The following SPEN variants were observed in gnomAD, a reference collection of about 807,000 sequenced individuals.
SPEN encodes msx2-interacting protein.
A neutral mutation model predicts 269.9 loss-of-function variants in SPEN; 18 were observed. The observed-to-expected ratio is 0.07, with a 90% CI of 0.05 to 0.10. The LOEUF is 0.10. Among genes scored for constraint, SPEN ranks in the 10% least tolerant of loss-of-function variants. The probability of loss-of-function intolerance (pLI) is 1.00; values close to 1 mark genes in which losing one functional copy is unlikely to be tolerated. For synonymous variants in SPEN, 1,726 were observed against 1,765.7 expected (o/e 0.98, Z 0.56); for missense variants, 3,822 against 4,631.2 (o/e 0.83, Z 5.07).
chr1:15,889,121 A>G (rs1570009661), intron 3 of SPEN, among the ~76,000 whole-genome samples: 1 of 149,230 alleles, frequency 6.7e-6, no homozygotes, highest in East Asian at 1.9e-4. Flanking sequence ...AGGAATTCTC[A>G]TTTTAAAATA....
intron 1 of SPEN, among the ~76,000 whole-genome samples, chr1:15,859,444 G>T (rs1286248613): frequency 7.0e-6 from 1 of 142,060 alleles, no homozygotes; most frequent in Non-Finnish European, 1.5e-5. Flanking sequence ...TGCAAGCTCC[G>T]CCTCCTGGGT....
At chr1:15,885,100 AAC>A in intron 3 of SPEN, among the ~76,000 whole-genome samples, 1 of 152,172 alleles carries the variant, frequency 6.6e-6, no homozygotes, top group Non-Finnish European at 1.5e-5. Flanking sequence ...TGATCATAGA[AAC>A]AAATTTGTCT....
chr1:15,897,366 T>A (rs2070852501), intron 3 of SPEN, among the ~76,000 whole-genome samples: 1 of 136,404 alleles, frequency 7.3e-6, no homozygotes, highest in African/African-American at 2.9e-5. Context: ...TTTTTCTTTC[T>A]TTTTTTTTTT....
chr1:15,921,018 A>T (rs1479383677), intron 9 of SPEN, 35 bp downstream of exon 9: 1 of 1,396,236 alleles, frequency 7.2e-7, no homozygotes, highest in Non-Finnish European at 1.0e-6. Context: ...AGCAAAACAA[A>T]GTCCTATTCA....
intron 3 of SPEN, among the ~76,000 whole-genome samples, chr1:15,904,994 T>C (rs1451400582): frequency 6.6e-6 from 1 of 151,278 alleles, no homozygotes; most frequent in Non-Finnish European, 1.5e-5. Flanking sequence ...GTTCAAGTGA[T>C]TCTCCTGCTT....
chr1:15,894,825 G>A (rs908201842), intron 3 of SPEN, among the ~76,000 whole-genome samples: 4 of 151,548 alleles, frequency 2.6e-5, no homozygotes, highest in Non-Finnish European at 5.9e-5. Flanking sequence ...GAGCCACCGC[G>A]CCCGGCCCAT....
At position 15,928,025 on chromosome 1, in the gene SPEN, A is replaced by G. The variant is rs538328100; in HGVS notation, c.1851-66A>G. ...TAGAAGCAGGAATTTCTGATTTCAT[A>G]TGTATGATTTTATGCATAAGTGATG... On this transcript the variant is annotated intron_variant, in intron 10 of 14. Transcript: ENST00000375759. This position sits in a 1 kb window ranked among gnomAD's most constrained non-coding sequence, Gnocchi z 5.7. The G allele has an allele frequency of 8.0e-6, 11 of 1,370,672 alleles. No individual in the cohort carries two copies. The highest frequency in any genetic ancestry group is 7.2e-5 in the South Asian group (5 of 69,668). The allele number at this position is 1,370,672 out of a possible 1,614,324, so 84.9% of individuals were successfully genotyped here.
chr1:15,867,287 A>G (rs1184354239), intron 1 of SPEN, among the ~76,000 whole-genome samples: 1 of 152,184 alleles, frequency 6.6e-6, no homozygotes, highest in Non-Finnish European at 1.5e-5. Flanking sequence ...AGGTTCATCC[A>G]TATTTTAGAA....
intron 3 of SPEN, among the ~76,000 whole-genome samples, chr1:15,882,352 C>T (rs142878080): frequency 3.3e-5 from 5 of 152,090 alleles, no homozygotes; most frequent in Non-Finnish European, 5.9e-5. Context: ...TTCCCGCCCC[C>T]CCAATCAAGT....
At chr1:15,868,903 TG>T (rs2070545093) in intron 1 of SPEN, among the ~76,000 whole-genome samples, 1 of 152,334 alleles carries the variant, frequency 6.6e-6, no homozygotes. Context: ...ATGTTCAAAT[TG>T]TAGGAGTCTT....
At position 15,848,995 on chromosome 1, in the gene SPEN, A is replaced by G. The variant is rs2070305875; in HGVS notation, c.83+845A>G. On this transcript the variant is annotated intron_variant, in intron 1 of 14. Coordinates refer to ENST00000375759, the MANE Select transcript of SPEN (RefSeq NM_015001.3). The surrounding 1 kb of genome is among the most constrained non-coding windows in gnomAD (Gnocchi z 5.1). ...CGATGAGAAGATGTAGCTTAAAAAA[A>G]AAACCTCCCCTGAATATTTTTGTGA... 6.6e-6 allele frequency among the ~76,000 whole-genome samples: 1 copy of G among 152,192 alleles called. No individual in the cohort carries two copies. The highest frequency in any genetic ancestry group is 1.5e-5 in the Non-Finnish European group (1 of 68,034).
rs148453781 is a variant in SPEN at position 15,936,389 on chromosome 1, C to T, written c.10026+123C>T. On this transcript the variant is annotated intron_variant, in intron 11 of 14. Transcript: ENST00000375759. Reference sequence around the variant, plus strand: ...GGTGTGGTGGCTTATGCCTGTAATCCCAGCACTGTGGGAGGCCCAGATGGG... The same window carrying T: ...GGTGTGGTGGCTTATGCCTGTAATCTCAGCACTGTGGGAGGCCCAGATGGG... 1,725 of 1,353,150 alleles carry T rather than the reference C, an allele frequency of 1.3e-3. 19 individuals carry two copies. The African/African-American group carries it at 0.02, about 16-fold the overall frequency. 83.8% of individuals were successfully genotyped at this position (1,353,150 alleles called of 1,614,324 possible).
intron 1 of SPEN, among the ~76,000 whole-genome samples, chr1:15,859,450 T>C (rs1165208208): frequency 2.0e-4 from 30 of 147,712 alleles, no homozygotes; most frequent in African/African-American, 6.5e-4. Flanking sequence ...CTCCGCCTCC[T>C]GGGTTCACAC....
chr1:15,902,982 A>T (rs1191041249), intron 3 of SPEN, among the ~76,000 whole-genome samples: 1 of 152,128 alleles, frequency 6.6e-6, no homozygotes, highest in East Asian at 1.9e-4. Flanking sequence ...ACCAGTATAG[A>T]TGCATATTTG....
rs774242536 is a variant in SPEN, at chr1:15,932,696, C to T, written c.6456C>T (p.Asp2152=). The T allele has an allele frequency of 1.3e-5, 21 of 1,614,042 alleles. No individual in the cohort carries two copies. The highest frequency in any genetic ancestry group is 4.4e-5 in the South Asian group (4 of 91,078). ...VDPDKEPEKE[D]VSASGPSPEA... The stretch of plus-strand genomic sequence containing the variant: ...CAGACAAGGAACCAGAGAAAGAAGA[C>T]GTGTCTGCCTCTGGGCCGTCCCCAG... Residue 2152 remains aspartate (D), a synonymous_variant, in exon 11 of 15, where the codon GAC becomes GAT. Transcript: ENST00000375759. This position sits in a 1 kb window ranked among gnomAD's most constrained non-coding sequence, Gnocchi z 4.2.
chr1:15,867,888 C>G (rs2148708556), intron 1 of SPEN, among the ~76,000 whole-genome samples: 1 of 152,194 alleles, frequency 6.6e-6, no homozygotes, highest in African/African-American at 2.4e-5. Context: ...GGCTGGTGTG[C>G]AATGGCGTGA....
chr1:15,889,247 C>T (rs2070767465), intron 3 of SPEN, among the ~76,000 whole-genome samples: 1 of 146,678 alleles, frequency 6.8e-6, no homozygotes, highest in Admixed American at 7.1e-5. Context: ...CTTGCTGCAA[C>T]CTCCGCCTCC....
intron 10 of SPEN, among the ~76,000 whole-genome samples, chr1:15,922,854 T>G (rs1488977277): frequency 6.6e-6 from 1 of 152,152 alleles, no homozygotes; most frequent in African/African-American, 2.4e-5. Context: ...GCTCAAGCAT[T>G]CTGCCCGCTT....
chr1:15,929,708 A>G lies in SPEN; in HGVS notation c.3468A>G (p.Glu1156=), dbSNP rs781725607. ...GQEKSHSVNT[E]EKIGIDIDHT... is the part of the protein sequence containing the mutation. The stretch of plus-strand genomic sequence containing the variant: ...AGAAATCACATTCAGTAAATACTGA[A>G]GAAAAAATTGGCATTGACATCGATC... Residue 1156 remains glutamate (E), a synonymous_variant, in exon 11 of 15, where the codon GAA becomes GAG. Transcript: ENST00000375759. The surrounding 1 kb of genome is among the most constrained non-coding windows in gnomAD (Gnocchi z 5.8). 6.2e-7 allele frequency: 1 copy of G among 1,614,164 alleles called. No homozygotes were observed. The highest frequency in any genetic ancestry group is 8.5e-7 in the Non-Finnish European group (1 of 1,179,988).
Sources: allele counts gnomAD v4.1 joint callset (sites outside exome capture counted in the v4.1 genomes callset), GRCh38; gene constraint gnomAD v4.1.1; non-coding constraint Gnocchi (gnomAD v3.1); transcripts MANE v1.5; gene names NCBI Gene and HGNC (gene_info 2026-07-23, HGNC 2026-07-21).